The following GPLD1 variants were observed in gnomAD, a reference collection of about 807,000 sequenced individuals.
GPLD1 encodes the protein glycosylphosphatidylinositol specific phospholipase D1.
In GPLD1, 84 loss-of-function variants were observed where a neutral mutation model predicts 112.6. That is an observed-to-expected ratio of 0.75 (90% CI 0.63 to 0.89). The LOEUF (loss-of-function observed/expected upper bound fraction) is 0.89. GPLD1 is among the 40% of genes least tolerant of loss of function. The pLI, the probability that GPLD1 is intolerant of heterozygous loss-of-function variation, is 0.00. For synonymous variants in GPLD1, 386 were observed against 403.8 expected (o/e 0.96, Z 0.53); for missense variants, 1,044 against 1,051.5 (o/e 0.99, Z 0.10).
chr6:24,431,780 C>A (rs571755476), intron 24 of GPLD1, among the ~76,000 whole-genome samples: 9 of 152,110 alleles, frequency 5.9e-5, no homozygotes, highest in Non-Finnish European at 1.3e-4. Context: ...GGCGATCCAC[C>A]AACCTCGGCT....
chr6:24,465,239 A>G (rs556646819), intron 10 of GPLD1, among the ~76,000 whole-genome samples: 41 of 147,768 alleles, frequency 2.8e-4, no homozygotes, highest in African/African-American at 7.7e-4. Context: ...GAAAAGAAAA[A>G]AAAAGAAATG....
intron 15 of GPLD1, 82 bp from the exon 16 acceptor site, chr6:24,448,290 G>GA: frequency 1.1e-6 from 1 of 946,872 alleles, no homozygotes; most frequent in East Asian, 2.4e-5. Flanking sequence ...AAAAAGGACT[G>GA]ACTCTGGGTC....
In GPLD1 at chr6:24,466,699, T is replaced by C. The variant is rs773985809; in HGVS notation, c.802A>G (p.Met268Val). The change falls in exon 10 of 25, where the codon ATG becomes GTG. Residue 268 changes from methionine to valine, a missense_variant. Transcript: ENST00000230036. ...ATTCACCTGGTCCCATTCTCCAACATGAAGCTTGTTAGATGGTAAATATTA... is the reference window on the plus strand; with the variant it reads ...ATTCACCTGGTCCCATTCTCCAACACGAAGCTTGTTAGATGGTAAATATTA... ...STNIYHLTSF[M>V]LENGTSDCNL... 2 of 1,612,364 alleles carry C rather than the reference T, an allele frequency of 1.2e-6. No homozygotes were observed. Among genetic ancestry groups the C allele is most frequent in the Non-Finnish European group, 1.7e-6 (2 of 1,178,556 alleles).
intron 10 of GPLD1, among the ~76,000 whole-genome samples, chr6:24,466,281 A>G (rs1763608976): frequency 6.6e-6 from 1 of 152,212 alleles, no homozygotes; most frequent in Non-Finnish European, 1.5e-5. Context: ...CAGGAGGCAG[A>G]GGTTGCAGTG....
intron 12 of GPLD1, 49 bp downstream of exon 12, chr6:24,460,230 C>A: frequency 1.9e-6 from 3 of 1,607,210 alleles, no homozygotes; most frequent in Non-Finnish European, 2.6e-6. Flanking sequence ...AACAAGGTAT[C>A]TCAAGAAGCA....
upstream of GPLD1, among the ~76,000 whole-genome samples, chr6:24,490,396 T>C (rs1764523667): frequency 6.6e-6 from 1 of 152,142 alleles, no homozygotes; most frequent in African/African-American, 2.4e-5. Flanking sequence ...GATGGGCTCC[T>C]AAAAGAGTGG....
Position 24,466,792 on chromosome 6 carries a change from G to A in GPLD1, c.709C>T (p.Pro237Ser). ...TCTTGGAATTGTTCCACCAAAAACG[G>A]GGACTTTGTAGAGTAAGTGGGATAT... is the stretch of plus-strand genomic sequence containing the variant. ...KLYPTYSTKS[P>S]FLVEQFQEYF... The change falls in exon 10 of 25, where the codon CCG (proline) becomes TCG (serine). Residue 237 changes from proline to serine, a missense_variant. By Grantham distance (74) the Pro-to-Ser change is moderately conservative. Coordinates refer to ENST00000230036, the MANE Select transcript of GPLD1 (RefSeq NM_001503.4). 1.2e-6 allele frequency: 2 copies of A among 1,612,176 alleles called. No individual in the cohort carries two copies. The highest frequency in any genetic ancestry group is 8.5e-7 in the Non-Finnish European group (1 of 1,178,286).
intron 10 of GPLD1, among the ~76,000 whole-genome samples, chr6:24,463,286 C>T (rs1763495441): frequency 6.6e-6 from 1 of 152,176 alleles, no homozygotes; most frequent in Non-Finnish European, 1.5e-5. Flanking sequence ...ATAAACTCTT[C>T]CCAATAGAGG....
chr6:24,495,118 C>G, exon 1 of GPLD1: 1 of 1,330,316 alleles, frequency 7.5e-7, no homozygotes, highest in Non-Finnish European at 9.5e-7. Context: ...GCGCCCGGCC[C>G]GGCCCAGCTC....
At chr6:24,454,904 G>T (rs1327381909) in intron 13 of GPLD1, among the ~76,000 whole-genome samples, 1 of 152,206 alleles carries the variant, frequency 6.6e-6, no homozygotes, top group Non-Finnish European at 1.5e-5. Flanking sequence ...CAAGGCAGGT[G>T]GATCACCTGA....
At chr6:24,487,512 G>A (rs1764418145) in intron 1 of GPLD1, among the ~76,000 whole-genome samples, 2 of 135,778 alleles carry the variant, frequency 1.5e-5, no homozygotes, top group South Asian at 4.6e-4. Context: ...AATTTCAGAT[G>A]CAATCTGTCT....
At chr6:24,449,539 G>A (rs973411815) in intron 15 of GPLD1, among the ~76,000 whole-genome samples, 1 of 152,168 alleles carries the variant, frequency 6.6e-6, no homozygotes, top group African/African-American at 2.4e-5. Flanking sequence ...GAAAAAAAGG[G>A]CTAAGTACCT....
At chr6:24,486,710 T>A (rs931971255) in intron 1 of GPLD1, among the ~76,000 whole-genome samples, 1 of 151,732 alleles carries the variant, frequency 6.6e-6, no homozygotes, top group South Asian at 2.1e-4. Flanking sequence ...CCCAGCTACT[T>A]GGGAGGCTGA....
At chr6:24,435,577 T>TTAC in intron 22 of GPLD1, among the ~76,000 whole-genome samples, 1 of 150,940 alleles carries the variant, frequency 6.6e-6, no homozygotes, top group Non-Finnish European at 1.5e-5. Context: ...TTAAAATAGG[T>TTAC]GGGGTACGGT....
At chr6:24,462,122 T>C (rs892484723) in intron 11 of GPLD1, among the ~76,000 whole-genome samples, 1 of 152,110 alleles carries the variant, frequency 6.6e-6, no homozygotes, top group Non-Finnish European at 1.5e-5. Flanking sequence ...GTTACAATAA[T>C]ACTAACTACA....
chr6:24,489,044 A>G (rs1324768165), intron 1 of GPLD1, among the ~76,000 whole-genome samples: 2 of 152,096 alleles, frequency 1.3e-5, no homozygotes, highest in Non-Finnish European at 2.9e-5. Flanking sequence ...AAAAACAACA[A>G]AAGTACATTT....
At chr6:24,477,317 A>AC (rs1221513938) in intron 3 of GPLD1, among the ~76,000 whole-genome samples, 2 of 149,834 alleles carry the variant, frequency 1.3e-5, no homozygotes, top group Non-Finnish European at 3.0e-5. Context: ...ACCTGTCTAT[A>AC]CCATAGCTCA....
At chr6:24,482,888 T>G (rs369086973) in intron 2 of GPLD1, among the ~76,000 whole-genome samples, 2 of 152,182 alleles carry the variant, frequency 1.3e-5, no homozygotes, top group African/African-American at 4.8e-5. Flanking sequence ...GAGGATGCAG[T>G]GAGCCATGAT....
intron 7 of GPLD1, among the ~76,000 whole-genome samples, chr6:24,470,323 TAA>T (rs1763758600): frequency 6.6e-6 from 1 of 152,108 alleles, no homozygotes; most frequent in Non-Finnish European, 1.5e-5. Flanking sequence ...TTATTAGAGA[TAA>T]AGAGGGATTT....
Sources: gnomAD v4.1 joint callset for allele counts (sites outside exome capture counted in the v4.1 genomes callset) on GRCh38, gnomAD v4.1.1 for gene constraint, MANE v1.5 for transcripts, NCBI Gene and HGNC (gene_info 2026-07-23, HGNC 2026-07-21) for gene names.